The following BCAT1 variants were observed in gnomAD, a reference collection of about 807,000 sequenced individuals.
The protein encoded by BCAT1 is branched chain amino acid transaminase 1, also known as branched-chain-amino-acid aminotransferase, cytosolic.
A neutral mutation model predicts 52.4 loss-of-function variants in BCAT1; 48 were observed. The observed-to-expected ratio is 0.92, with a 90% CI of 0.73 to 1.16. The LOEUF is 1.16. Among genes scored for constraint, BCAT1 ranks in the 50% most tolerant of loss-of-function variants. The pLI, the probability that BCAT1 is intolerant of heterozygous loss-of-function variation, is 0.00. For missense variants in BCAT1, 451 were observed against 457.1 expected (o/e 0.99, Z 0.12); for synonymous variants, 167 against 161.3 (o/e 1.04, Z -0.27).
At chr12:24,836,846 G>GGA (rs1411770152) in intron 7 of BCAT1, among the ~76,000 whole-genome samples, 1 of 83,724 alleles carries the variant, frequency 1.2e-5, no homozygotes, top group African/African-American at 4.4e-5. Flanking sequence ...AGGAGAGAGA[G>GGA]AGAAAGAAAG....
intron 9 of BCAT1, among the ~76,000 whole-genome samples, chr12:24,832,233 CCGA>C (rs1296857303): frequency 1.3e-5 from 2 of 152,080 alleles, no homozygotes; most frequent in African/African-American, 4.8e-5. Flanking sequence ...AGCTCCAATC[CCGA>C]CATGTAGGTA....
At chr12:24,858,530 T>C (rs1289971305) in intron 5 of BCAT1, among the ~76,000 whole-genome samples, 1 of 152,210 alleles carries the variant, frequency 6.6e-6, no homozygotes, top group Non-Finnish European at 1.5e-5. Context: ...TTTGGAGCCA[T>C]TAGATTCTAG....
intron 5 of BCAT1, among the ~76,000 whole-genome samples, chr12:24,877,939 A>C (rs1198692710): frequency 6.6e-6 from 1 of 152,194 alleles, no homozygotes; most frequent in Admixed American, 6.5e-5. Context: ...GGATTGCTAG[A>C]GGCCAGGAGT....
At chr12:24,932,430 C>T (rs975209457) in intron 1 of BCAT1, among the ~76,000 whole-genome samples, 89 of 152,326 alleles carry the variant, frequency 5.8e-4, no homozygotes, top group African/African-American at 1.9e-3. Context: ...TTCTGTGAAG[C>T]TTTCCCTGAC....
chr12:24,852,301 A>G (rs899885228), intron 5 of BCAT1, among the ~76,000 whole-genome samples: 1 of 152,156 alleles, frequency 6.6e-6, no homozygotes. Flanking sequence ...CACCCTAGTG[A>G]TGAGGAATTT....
chr12:24,870,739 G>T (rs1942163105), intron 5 of BCAT1, among the ~76,000 whole-genome samples: 1 of 152,150 alleles, frequency 6.6e-6, no homozygotes, highest in African/African-American at 2.4e-5. Context: ...TCACAAGATT[G>T]TTATCAGGCC....
At chr12:24,863,930 CA>C (rs113367318) in intron 5 of BCAT1, among the ~76,000 whole-genome samples, 322 of 136,198 alleles carry the variant, frequency 2.4e-3, no homozygotes, top group Middle Eastern at 3.7e-3. Context: ...GACCTTGTCT[CA>C]AAAAAAAAAA....
chr12:24,889,811 A>G (rs1942785692), intron 3 of BCAT1, among the ~76,000 whole-genome samples: 1 of 152,208 alleles, frequency 6.6e-6, no homozygotes, highest in Non-Finnish European at 1.5e-5. Context: ...GCTACATAGC[A>G]AGACCCCATC....
intron 5 of BCAT1, among the ~76,000 whole-genome samples, chr12:24,868,587 G>A (rs868277190): frequency 1.1e-4 from 17 of 152,230 alleles, no homozygotes; most frequent in African/African-American, 3.9e-4. Context: ...CTTGGTCTCC[G>A]TGCAGAAAAA....
chr12:24,930,329 C>A (rs1214159516), intron 1 of BCAT1, among the ~76,000 whole-genome samples: 1 of 152,234 alleles, frequency 6.6e-6, no homozygotes, highest in African/African-American at 2.4e-5. Flanking sequence ...AAGTAGCCTT[C>A]TTAGACAGTG....
chr12:24,922,970 G>A (rs1368683291), intron 1 of BCAT1, among the ~76,000 whole-genome samples: 3 of 152,054 alleles, frequency 2.0e-5, no homozygotes, highest in African/African-American at 7.3e-5. Context: ...TCCTCTCCCA[G>A]TGGAGTCACA....
chr12:24,884,974 C>T (rs996592120), intron 3 of BCAT1, among the ~76,000 whole-genome samples: 1 of 138,052 alleles, frequency 7.2e-6, no homozygotes, highest in South Asian at 2.4e-4. Context: ...ATAATAAGCT[C>T]GCAAACGTTA....
At chr12:24,869,359 G>A (rs1387570883) in intron 5 of BCAT1, among the ~76,000 whole-genome samples, 2 of 152,286 alleles carry the variant, frequency 1.3e-5, no homozygotes, top group East Asian at 1.9e-4. Context: ...TCCTCTTCCT[G>A]GGTGGTACCT....
At chr12:24,937,306 C>G (rs1167159501) in intron 1 of BCAT1, among the ~76,000 whole-genome samples, 2 of 152,070 alleles carry the variant, frequency 1.3e-5, no homozygotes, top group Non-Finnish European at 2.9e-5. Flanking sequence ...GAGGCATCAG[C>G]AAGTGCAAAG....
chr12:24,864,202 T>C (rs1426774079), intron 5 of BCAT1, among the ~76,000 whole-genome samples: 1 of 152,166 alleles, frequency 6.6e-6, no homozygotes, highest in Admixed American at 6.5e-5. Flanking sequence ...GGATGGTTAT[T>C]ATCGCACCAG....
intron 6 of BCAT1, among the ~76,000 whole-genome samples, chr12:24,844,136 A>G (rs1044813097): frequency 2.6e-5 from 4 of 152,184 alleles, no homozygotes; most frequent in Non-Finnish European, 5.9e-5. Context: ...TCTGCTTAAG[A>G]TCATTTCCAG....
intron 2 of BCAT1, among the ~76,000 whole-genome samples, chr12:24,901,567 T>C (rs1943104888): frequency 6.6e-6 from 1 of 152,116 alleles, no homozygotes; most frequent in African/African-American, 2.4e-5. Flanking sequence ...CATTGACTAT[T>C]TTTCAAGAAA....
At chr12:24,921,467 T>C (rs1407803442) in intron 1 of BCAT1, among the ~76,000 whole-genome samples, 2 of 152,222 alleles carry the variant, frequency 1.3e-5, no homozygotes, top group Non-Finnish European at 2.9e-5. Context: ...TCCAAAAGTC[T>C]GATTCATTTA....
At chr12:24,931,743 A>G (rs1374315896) in intron 1 of BCAT1, among the ~76,000 whole-genome samples, 1 of 152,202 alleles carries the variant, frequency 6.6e-6, no homozygotes, top group African/African-American at 2.4e-5. Flanking sequence ...GAATCAAAAC[A>G]TCTACCTCTG....
Sources: gnomAD v4.1 joint callset for allele counts (sites outside exome capture counted in the v4.1 genomes callset) on GRCh38, gnomAD v4.1.1 for gene constraint, MANE v1.5 for transcripts, NCBI Gene and HGNC (gene_info 2026-07-23, HGNC 2026-07-21) for gene names.